MNX1: variants seen among roughly 807,000 people sequenced by gnomAD.
The protein encoded by MNX1 is motor neuron and pancreas homeobox protein 1.
MNX1 carries 2 observed loss-of-function variants against 17.3 expected under a neutral mutation model. The ratio of observed to expected loss-of-function variants is 0.12; its 90% CI spans 0.05 to 0.36. MNX1 has a LOEUF of 0.36. MNX1 is among the 10% of genes least tolerant of loss of function. The pLI, the probability that MNX1 is intolerant of heterozygous loss-of-function variation, is 1.00. For missense variants in MNX1, 556 were observed against 564.7 expected (o/e 0.98, Z 0.16); for synonymous variants, 306 against 283.1 (o/e 1.08, Z -0.81).
At chr7:157,009,377 T>C (rs998941672) in intron 1 of MNX1, 35 of 1,417,630 alleles carry the variant, frequency 2.5e-5, no homozygotes, top group Non-Finnish European at 3.0e-5. Flanking sequence ...TCCTGCAGCC[T>C]TCGGGTTAAT....
At chr7:157,007,108 AAAAATAAT>A (rs1259330781) in intron 1 of MNX1, 2 of 152,144 alleles carry the variant, frequency 1.3e-5, no homozygotes, top group Non-Finnish European at 2.9e-5. Flanking sequence ...TCAATAAATA[AAAAATAAT>A]AAAATAATAA....
Position 157,005,507 on chromosome 7 carries a change from G to C in MNX1, c.*13C>G, listed in dbSNP as rs892492315. On this transcript the variant is annotated 3_prime_UTR_variant, in exon 3 of 3. Coordinates refer to ENST00000252971, the MANE Select transcript of MNX1 (RefSeq NM_005515.4). ...CGCTCCGTGCGCGCCGCACCTGCTG[G>C]GCCGCGGGGCTCCTACTGGGGCGCG... is the stretch of plus-strand genomic sequence containing the variant. 4 of 1,427,966 alleles carry C rather than the reference G, an allele frequency of 2.8e-6. No homozygotes were observed. The African/African-American group carries it at 6.0e-5, about 22-fold the overall frequency. 88.5% of individuals were successfully genotyped at this position (1,427,966 alleles called of 1,614,324 possible).
Position 157,010,311 on chromosome 7 carries a change from C to T in MNX1, c.40G>A (p.Ala14Thr). Residue 14 changes from alanine to threonine, a missense_variant, in exon 1 of 3, where the codon GCG (alanine) becomes ACG (threonine). Physicochemically the swap from Ala to Thr is moderately conservative, Grantham distance 58. Coordinates refer to ENST00000252971, the MANE Select transcript of MNX1 (RefSeq NM_005515.4). The part of the protein sequence containing the change: ...SKNFRIDALL[A>T]VDPPRAASAQ... Reference sequence around the variant, plus strand: ...GAGGCGGCTCGTGGGGGGTCCACCGCCAGCAGGGCGTCGATGCGGAAATTT... The same window carrying T: ...GAGGCGGCTCGTGGGGGGTCCACCGTCAGCAGGGCGTCGATGCGGAAATTT... 6.3e-7 allele frequency: 1 copy of T among 1,580,560 alleles called. No homozygotes were observed. Among genetic ancestry groups the T allele is most frequent in the East Asian group, 2.4e-5 (1 of 41,558 alleles).
chr7:157,005,388 C>A lies in MNX1; in HGVS notation c.*132G>T. ...CGAATCCCTCCAGCCCCGGCCTGGGCGAGGGGTCCATGGGGCGGCGGTCGA... is the reference window on the plus strand; with the variant it reads ...CGAATCCCTCCAGCCCCGGCCTGGGAGAGGGGTCCATGGGGCGGCGGTCGA... On this transcript the variant is annotated 3_prime_UTR_variant, in exon 3 of 3. Coordinates refer to ENST00000252971, the MANE Select transcript of MNX1 (RefSeq NM_005515.4). 1 of 537,218 alleles carries A rather than the reference C, an allele frequency of 1.9e-6. No individual in the cohort carries two copies. The highest frequency in any genetic ancestry group is 8.9e-5 in the South Asian group (1 of 11,206). The allele number at this position is 537,218 out of a possible 1,614,324, so 33.3% of individuals were successfully genotyped here.
At chr7:157,009,287 G>C in intron 1 of MNX1, 2 of 1,418,304 alleles carry the variant, frequency 1.4e-6, no homozygotes, top group Non-Finnish European at 9.2e-7. Flanking sequence ...TCCTTTCCCC[G>C]GTGATAAGCC....
At chr7:157,007,351 AGAAGGAAGGAAG>A (rs796952301) in intron 1 of MNX1, among the ~76,000 whole-genome samples, 2 of 150,972 alleles carry the variant, frequency 1.3e-5, no homozygotes, top group Non-Finnish European at 3.0e-5. Context: ...AAAGAAGGAA[AGAAGGAAGGAAG>A]GAAGGAAGGA....
In MNX1 at chr7:157,006,687, C is replaced by G; in HGVS notation, c.692-48G>C. The G allele has an allele frequency of 1.3e-6, 2 of 1,520,332 alleles. No homozygotes were observed. Among genetic ancestry groups the G allele is most frequent in the Non-Finnish European group, 1.8e-6 (2 of 1,133,264 alleles). The allele number at this position is 1,520,332 out of a possible 1,614,324, so 94.2% of individuals were successfully genotyped here. A position where few individuals can be genotyped will look rare whatever the true frequency, so the allele number is the denominator to read the frequency against. ...GCCCACAGCCGGCTCCGGTCCTCGC[C>G]CCAGCCCCTCCCGTTGCTGCTTGTA... On this transcript the variant is annotated intron_variant, in intron 1 of 2. Coordinates refer to ENST00000252971, the MANE Select transcript of MNX1 (RefSeq NM_005515.4). This position sits in a 1 kb window ranked among gnomAD's most constrained non-coding sequence, Gnocchi z 6.3.
At chr7:157,009,088 G>C (rs1277781565) in intron 1 of MNX1, 1 of 1,536,352 alleles carries the variant, frequency 6.5e-7, no homozygotes, top group Non-Finnish European at 8.7e-7. Context: ...CTCGGCCATC[G>C]CACCCCGGAT....
At chr7:157,008,740 T>C in intron 1 of MNX1, 1 of 508,636 alleles carries the variant, frequency 2.0e-6, no homozygotes, top group Non-Finnish European at 3.5e-6. Flanking sequence ...GCTGAAAGCG[T>C]TGAGCCATAT....
In MNX1 at chr7:157,010,445, C is replaced by T; in HGVS notation, c.-95G>A. On this transcript the variant is annotated 5_prime_UTR_variant, in exon 1 of 3. Transcript: ENST00000252971. ...AGTGCGTGCGGTGCAAGCCCGGGGG[C>T]TCGGTATTGTTATGGTGGTTATTTG... 6 of 884,564 alleles carry T rather than the reference C, an allele frequency of 6.8e-6. No homozygotes were observed. Among genetic ancestry groups the T allele is most frequent in the Non-Finnish European group, 9.9e-6 (6 of 606,096 alleles). The allele number at this position is 884,564 out of a possible 1,614,324, so 54.8% of individuals were successfully genotyped here. A position where few individuals can be genotyped will look rare whatever the true frequency, so the allele number is the denominator to read the frequency against.
rs1024618168 is a variant in MNX1 at position 157,006,054 on chromosome 7, C to A, written c.853-181G>T. On this transcript the variant is annotated intron_variant, in intron 2 of 2. Coordinates refer to ENST00000252971, the MANE Select transcript of MNX1 (RefSeq NM_005515.4). The surrounding 1 kb of genome is among the most constrained non-coding windows in gnomAD (Gnocchi z 6.3). ...TAGCTTCCTCCTCCCCGCAACCCCC[C>A]ACTCAGCAGCAAACCCCAGAGCTGG... Among the ~76,000 whole-genome samples the A allele has an allele frequency of 6.6e-6, 1 of 152,206 alleles. No individual in the cohort carries two copies. The highest frequency in any genetic ancestry group is 1.9e-4 in the East Asian group (1 of 5,168).
intron 1 of MNX1, 101 bp downstream of exon 1, chr7:157,009,559 C>T (rs915556726): frequency 1.1e-5 from 16 of 1,519,144 alleles, no homozygotes; most frequent in African/African-American, 2.8e-5. Flanking sequence ...GCTCTTCCCC[C>T]GCTCGCTGGG....
intron 1 of MNX1, chr7:157,008,947 G>A (rs1474874713): frequency 1.3e-6 from 2 of 1,523,002 alleles, no homozygotes; most frequent in Non-Finnish European, 1.8e-6. Context: ...CGGCTCTGGG[G>A]TGGGGAGAAC....
In MNX1 at chr7:157,010,324, G is replaced by A. The variant is rs368106747; in HGVS notation, c.27C>T (p.Ile9=). 3.2e-6 allele frequency: 5 copies of A among 1,583,116 alleles called. No homozygotes were observed. Among genetic ancestry groups the A allele is most frequent in the Non-Finnish European group, 4.3e-6 (5 of 1,165,614 alleles). Residue 9 remains isoleucine, a synonymous_variant, in exon 1 of 3, where the codon ATC becomes ATT. Coordinates refer to ENST00000252971, the MANE Select transcript of MNX1 (RefSeq NM_005515.4). Reference sequence around the variant, plus strand: ...GGGGGTCCACCGCCAGCAGGGCGTCGATGCGGAAATTTTTGGATTTTTCCA... The same window carrying A: ...GGGGGTCCACCGCCAGCAGGGCGTCAATGCGGAAATTTTTGGATTTTTCCA... MEKSKNFR[I]DALLAVDPPR...
rs770926737 is a variant in MNX1 at position 157,006,653 on chromosome 7, G to C, written c.692-14C>G. ...ACTGCGCCTGGGCTGGGGACCAAAG[G>C]GCAGTGAGGCCCACAGCCGGCTCCG... On this transcript the variant is annotated splice_polypyrimidine_tract_variant and intron_variant, in intron 1 of 2. Coordinates refer to ENST00000252971, the MANE Select transcript of MNX1 (RefSeq NM_005515.4). The surrounding 1 kb of genome is among the most constrained non-coding windows in gnomAD (Gnocchi z 6.3). 7.0e-6 allele frequency: 11 copies of C among 1,572,388 alleles called. No individual in the cohort carries two copies. The highest frequency in any genetic ancestry group is 9.5e-6 in the Non-Finnish European group (11 of 1,160,748).
Position 157,010,015 on chromosome 7 carries a change from C to T in MNX1, c.336G>A (p.Gly112=), listed in dbSNP as rs1369971749. ...GGGGTGGGHG[G]PHHHAHPGAA... ...CGCCCGGATGCGCGTGGTGGTGGGG[C>T]CCCCCGTGCCCGCCGCCCGTGCCGC... The change falls in exon 1 of 3, where the codon GGG becomes GGA. Residue 112 remains glycine (G), a synonymous_variant. Coordinates refer to ENST00000252971, the MANE Select transcript of MNX1 (RefSeq NM_005515.4). 4.7e-5 allele frequency: 45 copies of T among 956,824 alleles called. No individual in the cohort carries two copies. The highest frequency in any genetic ancestry group is 4.8e-5 in the Non-Finnish European group (40 of 826,342). 59.3% of individuals were successfully genotyped at this position (956,824 alleles called of 1,614,324 possible).
chr7:157,005,313 G>C lies in MNX1; in HGVS notation c.*207C>G, dbSNP rs538773851. ...CCCTCTCGCTGTTTCTTGAAGAGCA[G>C]GTGAGGCGCCCTTGCTTAAAAGGGA... On this transcript the variant is annotated 3_prime_UTR_variant, in exon 3 of 3. Transcript: ENST00000252971. The C allele has an allele frequency of 6.9e-6, 2 of 288,164 alleles. No individual in the cohort carries two copies. Among genetic ancestry groups the C allele is most frequent in the Non-Finnish European group, 1.3e-5 (2 of 156,634 alleles). 17.9% of individuals were successfully genotyped at this position (288,164 alleles called of 1,614,324 possible).
chr7:157,010,364 G>A lies in MNX1; in HGVS notation c.-14C>T. ...GGATTTTTCCATCGGCTCGTTTGGG[G>A]CTGGCGCTCAGGGCCCGGTGGCGGG... On this transcript the variant is annotated 5_prime_UTR_variant, in exon 1 of 3. Coordinates refer to ENST00000252971, the MANE Select transcript of MNX1 (RefSeq NM_005515.4). 6.4e-7 allele frequency: 1 copy of A among 1,565,510 alleles called. No homozygotes were observed. Among genetic ancestry groups the A allele is most frequent in the Admixed American group, 1.8e-5 (1 of 55,638 alleles).
chr7:157,009,485 G>A (rs1342971361), intron 1 of MNX1, 175 bp downstream of exon 1: 2 of 1,434,940 alleles, frequency 1.4e-6, no homozygotes, highest in Non-Finnish European at 1.8e-6. Flanking sequence ...TTCGCTGCCC[G>A]TCTCATGCCT....
Sources: gnomAD v4.1 joint callset for allele counts (sites outside exome capture counted in the v4.1 genomes callset) on GRCh38, gnomAD v4.1.1 for gene constraint, Gnocchi (gnomAD v3.1) non-coding constraint, MANE v1.5 for transcripts, NCBI Gene and HGNC (gene_info 2026-07-23, HGNC 2026-07-21) for gene names.